Variants in CECR2 observed in about 807,000 individuals in gnomAD.
CECR2 encodes the protein CECR2 histone acetyl-lysine reader, also known as chromatin remodeling regulator CECR2.
A neutral mutation model predicts 154.5 loss-of-function variants in CECR2; 30 were observed. The ratio of observed to expected loss-of-function variants is 0.19; its 90% confidence interval spans 0.15 to 0.26. CECR2 has a LOEUF of 0.26. Ranked by LOEUF, CECR2 falls within the 10% of genes least tolerant of loss-of-function variation. The pLI, the probability that CECR2 is intolerant of heterozygous loss-of-function variation, is 1.00. For synonymous variants in CECR2, 725 were observed against 683.7 expected (o/e 1.06, Z -0.94); for missense variants, 1,743 against 1,829.3 (o/e 0.95, Z 0.86).
chr22:17,474,015 T>C (rs867754727), intron 1 of CECR2, among the ~76,000 whole-genome samples: 1 of 152,218 alleles, frequency 6.6e-6, no homozygotes, highest in Non-Finnish European at 1.5e-5. Flanking sequence ...CCAGGGCTTG[T>C]ATTTACTGTG....
At chr22:17,464,689 A>G (rs150585280) in intron 1 of CECR2, among the ~76,000 whole-genome samples, 1 of 152,126 alleles carries the variant, frequency 6.6e-6, no homozygotes, top group African/African-American at 2.4e-5. Context: ...CTTTGTAGAG[A>G]TGAGATCTCA....
intron 1 of CECR2, among the ~76,000 whole-genome samples, chr22:17,370,510 G>A (rs1248848869): frequency 1.3e-5 from 2 of 152,148 alleles, no homozygotes; most frequent in African/African-American, 4.8e-5. Flanking sequence ...TGGAGGTGTG[G>A]AAGGAAAGTT....
upstream of CECR2, among the ~76,000 whole-genome samples, chr22:17,365,033 T>C (rs2062994633): frequency 6.6e-6 from 1 of 152,106 alleles, no homozygotes; most frequent in Non-Finnish European, 1.5e-5. Context: ...GAGACCAACC[T>C]GACCAACATG....
chr22:17,542,490 C>G lies in CECR2; in HGVS notation c.2347C>G (p.Gln783Glu), dbSNP rs756001932. 1.1e-5 allele frequency: 18 copies of G among 1,613,992 alleles called. No individual in the cohort carries two copies. In the Middle Eastern group the frequency reaches 4.9e-4, roughly 44 times the overall value. ...GAATGGGAACCATGGTGCTACGAACCAAGGACCCTTGGGCCCAGATGAGAA... is the reference window on the plus strand; with the variant it reads ...GAATGGGAACCATGGTGCTACGAACGAAGGACCCTTGGGCCCAGATGAGAA... The part of the protein sequence containing the change: ...VWNGNHGATN[Q>E]GPLGPDEKPH... Residue 783 changes from glutamine (Q) to glutamate (E), a missense_variant, in exon 16 of 19, where the codon CAA becomes GAA. Gln to Glu is a conservative substitution (Grantham distance 29, BLOSUM62 2). Around this residue, in one of 4 missense-constraint regions of CECR2, gnomAD observed 1,250 missense variants for 1,192.1 expected, o/e 1.05. Coordinates refer to ENST00000262608, the MANE Select transcript of CECR2 (RefSeq NM_001290047.2).
rs189265055 is a variant in CECR2, at chr22:17,430,962, G to A, written c.127-46626G>A. 1.2e-4 allele frequency among the ~76,000 whole-genome samples: 19 copies of A among 152,204 alleles called. No homozygotes were observed. In the East Asian group the frequency reaches 1.7e-3, roughly 14 times the overall value. On this transcript the variant is annotated intron_variant, in intron 1 of 18. Coordinates refer to ENST00000262608, the MANE Select transcript of CECR2 (RefSeq NM_001290047.2). ...TTTTATTTGATCACAACAGTGCCTC[G>A]TCTGTGAGTGCCCTGTCTCTATAGT...
chr22:17,468,836 G>T (rs1011959010), intron 1 of CECR2, among the ~76,000 whole-genome samples: 4 of 152,122 alleles, frequency 2.6e-5, no homozygotes, highest in Non-Finnish European at 4.4e-5. Flanking sequence ...TGTATTTCTC[G>T]TAGTTCTTCA....
chr22:17,424,145 C>T (rs1472527216), intron 1 of CECR2, among the ~76,000 whole-genome samples: 1 of 152,104 alleles, frequency 6.6e-6, no homozygotes, highest in African/African-American at 2.4e-5. Flanking sequence ...TTGTTACCTA[C>T]CAGGCTAGTC....
At chr22:17,500,389 A>T (rs976676447) in intron 4 of CECR2, among the ~76,000 whole-genome samples, 7 of 152,296 alleles carry the variant, frequency 4.6e-5, no homozygotes, top group African/African-American at 1.7e-4. Flanking sequence ...TCTTACTGCT[A>T]GGAGAATGCT....
At chr22:17,452,743 A>G (rs2054791597) in intron 1 of CECR2, among the ~76,000 whole-genome samples, 1 of 152,202 alleles carries the variant, frequency 6.6e-6, no homozygotes, top group Non-Finnish European at 1.5e-5. Context: ...AGCTGGGTAT[A>G]TACAGTCTAG....
At chr22:17,480,798 G>C (rs892685707) in intron 2 of CECR2, among the ~76,000 whole-genome samples, 1 of 152,090 alleles carries the variant, frequency 6.6e-6, no homozygotes, top group Non-Finnish European at 1.5e-5. Flanking sequence ...TCAGCACTTT[G>C]GGAGGCCGAG....
chr22:17,504,916 C>T lies in CECR2; in HGVS notation c.770C>T (p.Thr257Ile). 1 of 1,613,796 alleles carries T rather than the reference C, an allele frequency of 6.2e-7. No homozygotes were observed. Among genetic ancestry groups the T allele is most frequent in the Non-Finnish European group, 8.5e-7 (1 of 1,179,826 alleles). The part of the protein sequence containing the change: ...CQTEEEWRQV[T>I]ESFRERTSLR... ...ACAGAAGAGGAATGGAGACAGGTCA[C>T]CGAGAGTTTTCGCGAGAGGACCTCC... The change falls in exon 7 of 19, where the codon ACC becomes ATC. Residue 257 changes from threonine (T) to isoleucine (I), a missense_variant. Physicochemically the swap from Thr to Ile is moderately conservative, Grantham distance 89 (BLOSUM62 -1). Transcript: ENST00000262608.
At chr22:17,524,600 G>A (rs1228895927) in intron 9 of CECR2, among the ~76,000 whole-genome samples, 1 of 137,600 alleles carries the variant, frequency 7.3e-6, no homozygotes, top group Non-Finnish European at 1.5e-5. Flanking sequence ...CACTGTGTTA[G>A]CCAGGATGGT....
chr22:17,400,037 T>C (rs147637819), intron 1 of CECR2, among the ~76,000 whole-genome samples: 384 of 152,334 alleles, frequency 2.5e-3, no homozygotes, highest in Non-Finnish European at 4.2e-3. Context: ...TTTTATAATA[T>C]ATTAAGTTCT....
At chr22:17,475,103 A>G (rs1036409186) in intron 1 of CECR2, among the ~76,000 whole-genome samples, 1 of 152,202 alleles carries the variant, frequency 6.6e-6, no homozygotes, top group African/African-American at 2.4e-5. Context: ...CGCCACAGTG[A>G]CAGTGAGCAC....
intron 8 of CECR2, among the ~76,000 whole-genome samples, chr22:17,519,521 G>T (rs1769032370): frequency 6.6e-6 from 1 of 152,214 alleles, no homozygotes; most frequent in Non-Finnish European, 1.5e-5. Flanking sequence ...GCCTCCCACA[G>T]TGCTGGGATT....
At chr22:17,466,066 G>A (rs1310206674) in intron 1 of CECR2, among the ~76,000 whole-genome samples, 1 of 152,104 alleles carries the variant, frequency 6.6e-6, no homozygotes, top group Non-Finnish European at 1.5e-5. Flanking sequence ...CCATCACGCA[G>A]GCTGGAGCGC....
chr22:17,456,251 T>G (rs1041138116), intron 1 of CECR2, among the ~76,000 whole-genome samples: 1 of 152,200 alleles, frequency 6.6e-6, no homozygotes, highest in African/African-American at 2.4e-5. Context: ...TCTCTTCCAT[T>G]TTATTTAATC....
chr22:17,453,875 A>C (rs908058776), intron 1 of CECR2, among the ~76,000 whole-genome samples: 6 of 152,310 alleles, frequency 3.9e-5, no homozygotes, highest in African/African-American at 1.4e-4. Flanking sequence ...GAGGAAATTA[A>C]ATTTATGTTC....
chr22:17,454,468 GGTGGCGGGCACCT>G (rs888652839), intron 1 of CECR2, among the ~76,000 whole-genome samples: 42 of 152,164 alleles, frequency 2.8e-4, no homozygotes, highest in African/African-American at 8.9e-4. Flanking sequence ...AGCCAGGTGT[GGTGGCGGGCACCT>G]GTAGTCCCAG....
Sources: allele counts gnomAD v4.1 joint callset (sites outside exome capture counted in the v4.1 genomes callset), GRCh38; gene constraint gnomAD v4.1.1; regional missense constraint gnomAD v4.1.1; transcripts MANE v1.5; gene names NCBI Gene and HGNC (gene_info 2026-07-23, HGNC 2026-07-21).